The following MYO1H variants were observed in gnomAD, a reference collection of about 807,000 sequenced individuals.
MYO1H encodes myosin IH.
In MYO1H, 118 loss-of-function variants were observed where a neutral mutation model predicts 149.3. The observed-to-expected ratio is 0.79, with a 90% CI of 0.68 to 0.92. The LOEUF is 0.92. Ranked by LOEUF, MYO1H falls within the 40% of genes least tolerant of loss-of-function variation. The pLI is 0.00. For missense variants in MYO1H, 1,212 were observed against 1,280.7 expected (o/e 0.95, Z 0.82); for synonymous variants, 447 against 465.2 (o/e 0.96, Z 0.50).
chr12:109,355,468 G>A lies in MYO1H; in HGVS notation c.12+7496G>A, dbSNP rs143037054. Among the ~76,000 whole-genome samples the A allele has an allele frequency of 1.0e-2, 1,519 of 152,172 alleles. 15 individuals are homozygous for A. The highest frequency in any genetic ancestry group is 0.016 in the Non-Finnish European group (1,080 of 68,010). ...TGTGGATGCTCGAACTGCATCCATG[G>A]ACCACAATTTAAGGGCTTATAGCTA... On this transcript the variant is annotated intron_variant, in intron 1 of 31. Coordinates refer to ENST00000310903, the Ensembl canonical transcript of MYO1H.
At chr12:109,434,537 C>T (rs1480132262) in intron 20 of MYO1H, among the ~76,000 whole-genome samples, 1 of 152,172 alleles carries the variant, frequency 6.6e-6, no homozygotes, top group Admixed American at 6.5e-5. Context: ...TATTCTTTGT[C>T]GTCACTCTTT....
At chr12:109,415,974 G>T (rs918856169) in intron 15 of MYO1H, among the ~76,000 whole-genome samples, 1 of 150,344 alleles carries the variant, frequency 6.7e-6, no homozygotes, top group Non-Finnish European at 1.5e-5. Context: ...AGAGAGTCTC[G>T]CTGTGTTGCC....
intron 1 of MYO1H, among the ~76,000 whole-genome samples, chr12:109,356,621 A>G (rs568678986): frequency 7.9e-5 from 12 of 152,264 alleles, no homozygotes; most frequent in African/African-American, 2.2e-4. Context: ...GCTGAAAAAG[A>G]TGGTCATGTA....
intron 27 of MYO1H, 82 bp downstream of exon 27, chr12:109,442,354 G>GCA: frequency 8.0e-7 from 1 of 1,247,854 alleles, no homozygotes; most frequent in South Asian, 1.2e-5. Context: ...CATAAAGGGC[G>GCA]CACTATTTAA....
chr12:109,327,748 AAAAAAAAAAG>A, the MYO1H span, among the ~76,000 whole-genome samples: 1 of 150,838 alleles, frequency 6.6e-6, no homozygotes, highest in African/African-American at 2.4e-5. Flanking sequence ...TCAAAAAAAA[AAAAAAAAAAG>A]AAAGAAAAAA....
intron 8 of MYO1H, 106 bp from the exon 9 acceptor site, chr12:109,406,683 C>G: frequency 9.6e-7 from 1 of 1,044,664 alleles, no homozygotes; most frequent in Non-Finnish European, 1.5e-6. Flanking sequence ...ATTGTGCCAC[C>G]ACATTCCCAC....
exon 32 of MYO1H, chr12:109,447,604 G>T: frequency 4.9e-6 from 1 of 205,370 alleles, no homozygotes; most frequent in Non-Finnish European, 1.0e-5. Flanking sequence ...TCCTGGGCAG[G>T]GCCACTGTCT....
intron 1 of MYO1H, among the ~76,000 whole-genome samples, chr12:109,370,936 A>T (rs1285418394): frequency 6.6e-6 from 1 of 152,232 alleles, no homozygotes; most frequent in Non-Finnish European, 1.5e-5. Flanking sequence ...AGCTGCAGTT[A>T]TTAGGATAAT....
chr12:109,330,918 T>TA, the MYO1H span, among the ~76,000 whole-genome samples: 2 of 152,224 alleles, frequency 1.3e-5, no homozygotes, highest in Admixed American at 1.3e-4. Context: ...GAGGGGTTTT[T>TA]AGCATCTGGG....
At chr12:109,376,964 T>TA (rs1566021002) in intron 1 of MYO1H, among the ~76,000 whole-genome samples, 1 of 152,260 alleles carries the variant, frequency 6.6e-6, no homozygotes, top group East Asian at 1.9e-4. Flanking sequence ...TAATTTCTTC[T>TA]AATTGTTTTC....
exon 24 of MYO1H, chr12:109,439,655 C>T (rs370080701): frequency 6.2e-7 from 1 of 1,613,350 alleles, no homozygotes; most frequent in Non-Finnish European, 8.5e-7. Flanking sequence ...TCATCAGTCG[C>T]AACAAACCCC....
chr12:109,411,726 G>A (rs938575018), intron 13 of MYO1H, among the ~76,000 whole-genome samples, 168 bp from the exon 14 acceptor site: 1 of 140,502 alleles, frequency 7.1e-6, no homozygotes, highest in Non-Finnish European at 1.5e-5. Flanking sequence ...AATCTTAGAA[G>A]CCAAACACAT....
At chr12:109,413,123 G>A (rs1304353098) in intron 14 of MYO1H, among the ~76,000 whole-genome samples, 19 of 151,744 alleles carry the variant, frequency 1.3e-4, no homozygotes, top group East Asian at 7.7e-4. Context: ...ACAGGTGTGC[G>A]CCATCACGCC....
chr12:109,359,552 C>T (rs1456411640), intron 1 of MYO1H: 1 of 152,108 alleles, frequency 6.6e-6, no homozygotes, highest in Non-Finnish European at 1.5e-5. Context: ...AAAAGAACGC[C>T]CCAGCCCCTT....
At position 109,443,174 on chromosome 12, in the gene MYO1H, A is replaced by ATGTGTGTATATATGTGTACGTATG. The variant is rs1872281483; in HGVS notation, c.2689-329_2689-328insATGTGTACGTATGTGTGTGTATAT. ...CGTATGTGTGTGTATATGTGTACGT[A>ATGTGTGTATATATGTGTACGTATG]TGTGTGTATATGTGTACGTATATGT... On this transcript the variant is annotated intron_variant, in intron 27 of 31. Coordinates refer to ENST00000310903, the Ensembl canonical transcript of MYO1H. 2.6e-5 allele frequency among the ~76,000 whole-genome samples: 3 copies of ATGTGTGTATATATGTGTACGTATG among 115,590 alleles called. 1 individual carries two copies. Among genetic ancestry groups the ATGTGTGTATATATGTGTACGTATG allele is most frequent in the Non-Finnish European group, 5.3e-5 (3 of 56,282 alleles). 75.8% of individuals were successfully genotyped at this position (115,590 alleles called of 152,430 possible). A position where few individuals can be genotyped will look rare whatever the true frequency, so the allele number is the denominator to read the frequency against.
chr12:109,396,613 AGTT>A (rs773220008), intron 4 of MYO1H, 31 bp downstream of exon 4: 15 of 1,568,664 alleles, frequency 9.6e-6, no homozygotes, highest in Non-Finnish European at 1.0e-5. Context: ...AATCGAAGGG[AGTT>A]CCAGGGAGGT....
the MYO1H span, among the ~76,000 whole-genome samples, chr12:109,318,951 ACT>A: frequency 1.9e-4 from 14 of 72,026 alleles, no homozygotes; most frequent in African/African-American, 5.4e-4. Context: ...GCATTTGGGA[ACT>A]CTCTGCGTTT....
In MYO1H at chr12:109,425,972, G is replaced by A. The variant is rs747302205; in HGVS notation, c.1752G>A (p.Leu584=). The A allele has an allele frequency of 3.7e-6, 6 of 1,613,806 alleles. 1 individual carries two copies. The highest frequency in any genetic ancestry group is 4.5e-5 in the East Asian group (2 of 44,888). ...TGGGGACTCAGTTTAAAAACAGTCT[G>A]AGCAGCCTTCTAGAAACCCTCATCT... Residue 584 remains leucine, a synonymous_variant, in exon 18 of 32, where the codon CTG becomes CTA. Coordinates refer to ENST00000310903, the Ensembl canonical transcript of MYO1H.
At chr12:109,404,560 G>T (rs74456628) in intron 7 of MYO1H, among the ~76,000 whole-genome samples, 7,351 of 152,298 alleles carry the variant, frequency 0.048, 275 homozygotes, top group Middle Eastern at 0.11. Context: ...GAATTTTTTA[G>T]TATAATCATG....
Sources: allele counts gnomAD v4.1 joint callset (sites outside exome capture counted in the v4.1 genomes callset), GRCh38; gene constraint gnomAD v4.1.1; transcripts MANE v1.5; gene names NCBI Gene and HGNC (gene_info 2026-07-23, HGNC 2026-07-21).